The following GK variants were observed in gnomAD, a reference collection of about 807,000 sequenced individuals.
GK encodes the protein ATP:glycerol 3-phosphotransferase.
In GK, 9 loss-of-function variants were observed where a neutral mutation model predicts 56.4. That is an observed-to-expected ratio of 0.16 (90% CI 0.10 to 0.28). The LOEUF is 0.28. Ranked by LOEUF, GK falls within the 10% of genes least tolerant of loss-of-function variation. The pLI is 1.00. For synonymous variants in GK, 104 were observed against 144.1 expected (o/e 0.72, Z 1.99); for missense variants, 161 against 431.4 (o/e 0.37, Z 5.55).
chrX:30,729,009 T>C lies in GK; in HGVS notation c.*267T>C. ...CTACCTTTGGGGCTGACCCCCTCCATTGCCATAACATCCTGCTCCATTCCC... is the reference window on the plus strand; with the variant it reads ...CTACCTTTGGGGCTGACCCCCTCCACTGCCATAACATCCTGCTCCATTCCC... On this transcript the variant is annotated 3_prime_UTR_variant, in exon 21 of 21. Coordinates refer to ENST00000427190, the MANE Select transcript of GK (RefSeq NM_001205019.2). 5.3e-6 allele frequency: 2 copies of C among 378,334 alleles called. No homozygotes were observed. The highest frequency in any genetic ancestry group is 9.3e-6 in the Non-Finnish European group (2 of 215,409). 31.2% of individuals were successfully genotyped at this position (378,334 alleles called of 1,213,427 possible). A position where few individuals can be genotyped will look rare whatever the true frequency, so the allele number is the denominator to read the frequency against.
chrX:30,699,264 G>A (rs868715166), intron 9 of GK, among the ~76,000 whole-genome samples: 10 of 80,558 alleles, frequency 1.2e-4, no homozygotes, highest in East Asian at 4.3e-4. Flanking sequence ...TACATGTTAT[G>A]TATAACATGT....
chrX:30,686,838 A>C (rs1934642994), intron 4 of GK, among the ~76,000 whole-genome samples: 1 of 111,373 alleles, frequency 9.0e-6, no homozygotes, highest in African/African-American at 3.3e-5. Context: ...GATGGGCTTG[A>C]CCATTTACTT....
intron 3 of GK, among the ~76,000 whole-genome samples, chrX:30,674,993 T>C (rs1415516193): frequency 9.0e-6 from 1 of 111,449 alleles, no homozygotes. Context: ...GGCGTGGTGA[T>C]AAAGGGACTT....
At chrX:30,660,283 G>C (rs1310343388) in intron 1 of GK, among the ~76,000 whole-genome samples, 1 of 110,565 alleles carries the variant, frequency 9.0e-6, no homozygotes, top group Non-Finnish European at 1.9e-5. Context: ...TACTGTGTCT[G>C]CACGGAGCTA....
At chrX:30,658,830 C>T (rs1932504067) in intron 1 of GK, among the ~76,000 whole-genome samples, 1 of 112,217 alleles carries the variant, frequency 8.9e-6, no homozygotes, top group African/African-American at 3.2e-5. Context: ...CCTGACACAG[C>T]ATCTGGCATG....
intron 18 of GK, 70 bp from the exon 19 acceptor site, chrX:30,724,031 T>A (rs375671743): frequency 3.1e-6 from 2 of 639,555 alleles, no homozygotes; most frequent in Admixed American, 5.0e-5. Flanking sequence ...TGAGTGATCA[T>A]AAGTATGGTA....
intron 1 of GK, among the ~76,000 whole-genome samples, chrX:30,656,999 C>T (rs1932341726): frequency 9.0e-6 from 1 of 111,589 alleles, no homozygotes; most frequent in Non-Finnish European, 1.9e-5. Context: ...TACAGGCATG[C>T]GCCACCACGC....
intron 2 of GK, among the ~76,000 whole-genome samples, chrX:30,666,452 G>C (rs935390735): frequency 1.8e-5 from 2 of 112,045 alleles, no homozygotes; most frequent in East Asian, 2.8e-4. Context: ...AATCAGAAAA[G>C]TGGTTGTCTG....
At chrX:30,693,011 CTTTTTTTTTTTTTT>C (rs1184645786) in intron 5 of GK, among the ~76,000 whole-genome samples, 1 of 56,617 alleles carries the variant, frequency 1.8e-5, no homozygotes, top group African/African-American at 7.2e-5. Context: ...TTTTTCTTTT[CTTTTTTTTTTTTTT>C]TTTTTTTTTG....
At chrX:30,699,224 A>G (rs1442586335) in intron 9 of GK, among the ~76,000 whole-genome samples, 1 of 99,521 alleles carries the variant, frequency 1.0e-5, no homozygotes, top group Non-Finnish European at 2.0e-5. Flanking sequence ...TACATGTTAT[A>G]TATACATGTT....
intron 1 of GK, among the ~76,000 whole-genome samples, chrX:30,662,838 T>A (rs1214227657): frequency 3.7e-3 from 2 of 540 alleles, no homozygotes; most frequent in Admixed American, 0.032. Context: ...TCTCTCTTTC[T>A]TTCTTTCTTT....
intron 3 of GK, among the ~76,000 whole-genome samples, chrX:30,669,653 CT>C (rs780058381): frequency 1.8e-5 from 2 of 111,682 alleles, no homozygotes; most frequent in Admixed American, 9.5e-5. Context: ...TTCAAGGGCT[CT>C]TTTTTTCCTC....
intron 4 of GK, among the ~76,000 whole-genome samples, chrX:30,683,184 C>G (rs1172221151): frequency 9.0e-6 from 1 of 110,666 alleles, no homozygotes; most frequent in African/African-American, 3.3e-5. Context: ...AATTATACAA[C>G]AGATGATATA....
At chrX:30,665,410 A>G in intron 1 of GK, 101 bp from the exon 2 acceptor site, 1 of 538,416 alleles carries the variant, frequency 1.9e-6, no homozygotes, top group Non-Finnish European at 3.3e-6. Context: ...ATCTAATTGG[A>G]CTTTTTCTAC....
At chrX:30,695,503 G>A (rs946048637) in intron 6 of GK, among the ~76,000 whole-genome samples, 2 of 112,524 alleles carry the variant, frequency 1.8e-5, no homozygotes, top group African/African-American at 6.5e-5. Flanking sequence ...GAAAGCAGCA[G>A]TGCCTTCAGT....
intron 3 of GK, among the ~76,000 whole-genome samples, chrX:30,675,525 T>G (rs1357015712): frequency 1.9e-5 from 2 of 105,186 alleles, no homozygotes; most frequent in Non-Finnish European, 3.9e-5. Context: ...TCTTCTTTTT[T>G]TTTTTTTTTT....
intron 4 of GK, among the ~76,000 whole-genome samples, chrX:30,682,203 C>T (rs1191086770): frequency 9.0e-6 from 1 of 111,384 alleles, no homozygotes; most frequent in Non-Finnish European, 1.9e-5. Flanking sequence ...GAAGCTAATT[C>T]TGGGCAATGA....
chrX:30,669,474 G>A (rs1368706930), intron 3 of GK, among the ~76,000 whole-genome samples: 6 of 111,092 alleles, frequency 5.4e-5, no homozygotes, highest in Admixed American at 4.8e-4. Context: ...GAGCCACCGC[G>A]CCCAGCGAAG....
At chrX:30,710,527 T>G (rs1243682838) in intron 13 of GK, among the ~76,000 whole-genome samples, 1 of 111,945 alleles carries the variant, frequency 8.9e-6, no homozygotes, top group Non-Finnish European at 1.9e-5. Flanking sequence ...CTGGTAAAAC[T>G]TTTTATCAGT....
Sources: gnomAD v4.1 joint callset for allele counts (sites outside exome capture counted in the v4.1 genomes callset) on GRCh38, gnomAD v4.1.1 for gene constraint, MANE v1.5 for transcripts, NCBI Gene and HGNC (gene_info 2026-07-23, HGNC 2026-07-21) for gene names.